The following LXN variants were observed in gnomAD, a reference collection of about 807,000 sequenced individuals.
The protein encoded by LXN is latexin.
LXN carries 28 observed loss-of-function variants against 29.8 expected under a neutral mutation model. That is an observed-to-expected ratio of 0.94 (90% confidence interval 0.70 to 1.29). The LOEUF (loss-of-function observed/expected upper bound fraction) is 1.29. LXN is among the 50% of genes most tolerant of loss of function. The probability of loss-of-function intolerance (pLI) is 0.00; values close to 1 mark genes in which losing one functional copy is unlikely to be tolerated. For synonymous variants in LXN, 77 were observed against 89.6 expected, an observed-to-expected ratio of 0.86 and a Z score of 0.80; for missense variants, 227 against 261.7, an observed-to-expected ratio of 0.87 and a Z score of 0.92.
intron 2 of LXN, 142 bp from the exon 3 acceptor site, chr3:158,669,752 T>A: frequency 1.3e-6 from 1 of 742,070 alleles, no homozygotes; most frequent in Non-Finnish European, 2.2e-6. Context: ...CAGAGGTATC[T>A]AATTGGGCCT....
At chr3:158,670,823 T>G in intron 2 of LXN, 134 bp downstream of exon 2, 2 of 1,230,000 alleles carry the variant, frequency 1.6e-6, no homozygotes, top group Non-Finnish European at 1.0e-6. Context: ...GTCCCAGCTA[T>G]TTGGGGAGGC....
intron 2 of LXN, among the ~76,000 whole-genome samples, chr3:158,670,242 A>G (rs374348254): frequency 1.3e-5 from 2 of 152,188 alleles, no homozygotes; most frequent in Non-Finnish European, 2.9e-5. Flanking sequence ...AATCTTTAAA[A>G]TTTCCCTTCC....
rs112809766 is a variant in LXN, at chr3:158,672,347, C to T, written c.129+3G>A. 0.02 allele frequency: 31,651 copies of T among 1,613,594 alleles called. 384 individuals carry two copies. The highest frequency in any genetic ancestry group is 0.027 in the Middle Eastern group (163 of 6,060). ...GCTGTCCACCACCCCCTGCTAAACT[C>T]ACCTCCATGCTGGCTTGTTTGACCT... On this transcript the variant is annotated splice_donor_region_variant and intron_variant, in intron 1 of 5. Transcript: ENST00000264265.
rs1723760524 is a variant in LXN, at chr3:158,667,018, T to C, written c.564A>G (p.Ala188=). The change falls in exon 5 of 6, where the codon GCA becomes GCG. Residue 188 remains alanine, a synonymous_variant. Coordinates refer to ENST00000264265, the MANE Select transcript of LXN (RefSeq NM_020169.4). The stretch of plus-strand genomic sequence containing the variant: ...AAGGTAAATTATACTTTACCTGAGA[T>C]GCTATATTATGAAGTAGAATGGTGT... ...LDYTILLHNI[A]SQEIIPWQMQ... 6.3e-7 allele frequency: 1 copy of C among 1,596,748 alleles called. No individual in the cohort carries two copies. The highest frequency in any genetic ancestry group is 8.5e-7 in the Non-Finnish European group (1 of 1,174,276).
At chr3:158,669,400 C>G (rs764398166) in intron 3 of LXN, 33 bp downstream of exon 3, 3 of 1,572,122 alleles carry the variant, frequency 1.9e-6, no homozygotes, top group Non-Finnish European at 8.6e-7. Flanking sequence ...AAGTTTGAAT[C>G]AAACAAATGG....
chr3:158,666,501 A>G lies in LXN; in HGVS notation c.*145T>C. On this transcript the variant is annotated 3_prime_UTR_variant, in exon 6 of 6. Coordinates refer to ENST00000264265, the MANE Select transcript of LXN (RefSeq NM_020169.4). ...TTTTTATGTAGTGATACTTTGTATT[A>G]TGGACTCTATAAAGTTCTATACTGT... 1 of 1,123,120 alleles carries G rather than the reference A, an allele frequency of 8.9e-7. No individual in the cohort carries two copies. 69.6% of individuals were successfully genotyped at this position (1,123,120 alleles called of 1,614,324 possible).
At chr3:158,672,282 GA>G in intron 1 of LXN, 67 bp downstream of exon 1, 1 of 1,591,084 alleles carries the variant, frequency 6.3e-7, no homozygotes, top group Non-Finnish European at 8.6e-7. Flanking sequence ...CAAAGGCTGA[GA>G]CCGCGGGTGA....
Position 158,669,478 on chromosome 3 carries a change from T to TTTGATAAAATGTGTTGTCTTC in LXN, c.304_324dup (p.Glu102_Gln108dup), listed in dbSNP as rs745907847. 10 of 1,613,952 alleles carry TTTGATAAAATGTGTTGTCTTC rather than the reference T, an allele frequency of 6.2e-6. No homozygotes were observed. In the Admixed American group the frequency reaches 1.7e-4, roughly 27 times the overall value. ...AGCGGTTCCTTCATGGACTTAAGTC[T>TTTGATAAAATGTGTTGTCTTC]TTGATAAAATGTGTTGTCTTCTTCA... On this transcript the variant is annotated inframe_insertion, in exon 3 of 6. Transcript: ENST00000264265.
intron 4 of LXN, among the ~76,000 whole-genome samples, chr3:158,668,049 C>T (rs1475158813): frequency 6.6e-6 from 1 of 152,126 alleles, no homozygotes; most frequent in Non-Finnish European, 1.5e-5. Flanking sequence ...CACAGCTTTG[C>T]TTGTGACTGC....
chr3:158,667,097 G>A lies in LXN; in HGVS notation c.508-23C>T, dbSNP rs139523092. On this transcript the variant is annotated intron_variant, in intron 4 of 5. Coordinates refer to ENST00000264265, the MANE Select transcript of LXN (RefSeq NM_020169.4). ...TTGCTATGACAAAAAATAAAAACGT[G>A]TTGTTTAAAACTTAATATCTTTGGC... The A allele has an allele frequency of 7.3e-4, 1,136 of 1,561,926 alleles. 12 individuals are homozygous for A. In the African/African-American group the frequency reaches 0.013, roughly 17 times the overall value.
In LXN at chr3:158,666,450, A is replaced by T. The variant is rs1723692206; in HGVS notation, c.*196T>A. Reference sequence around the variant, plus strand: ...TTGAAGCTTTTTATTTTGGATATACATACCACTATTACTGTTTTAAAGACA... The same window carrying T: ...TTGAAGCTTTTTATTTTGGATATACTTACCACTATTACTGTTTTAAAGACA... On this transcript the variant is annotated 3_prime_UTR_variant, in exon 6 of 6. Coordinates refer to ENST00000264265, the MANE Select transcript of LXN (RefSeq NM_020169.4). 1 of 1,337,204 alleles carries T rather than the reference A, an allele frequency of 7.5e-7. No homozygotes were observed. Among genetic ancestry groups the T allele is most frequent in the Admixed American group, 1.7e-5 (1 of 59,272 alleles). The allele number at this position is 1,337,204 out of a possible 1,614,324, so 82.8% of individuals were successfully genotyped here.
intron 1 of LXN, 34 bp downstream of exon 1, chr3:158,672,316 G>T (rs1724405902): frequency 6.2e-7 from 1 of 1,610,794 alleles, no homozygotes. Context: ...CAATCCTGAA[G>T]CCTCTGCTGT....
intron 2 of LXN, 131 bp downstream of exon 2, chr3:158,670,826 G>A: frequency 8.1e-7 from 1 of 1,241,428 alleles, no homozygotes; most frequent in African/African-American, 1.6e-5. Context: ...CCAGCTATTT[G>A]GGGAGGCTGA....
chr3:158,666,655 TTGTA>T lies in LXN; in HGVS notation c.656_659del (p.Val219AspfsTer8), dbSNP rs1723719379. 2 of 1,613,224 alleles carry T rather than the reference TTGTA, an allele frequency of 1.2e-6. No homozygotes were observed. The highest frequency in any genetic ancestry group is 1.7e-6 in the Non-Finnish European group (2 of 1,179,366). The stretch of plus-strand genomic sequence containing the variant: ...GTGTTAGGGTTTTTGTTTATTCCAG[TTGTA>T]CTTCCTTTGGCAGACGGCTATTATG... On this transcript the variant is annotated frameshift_variant, in exon 6 of 6. Transcript: ENST00000264265. LOFTEE classifies it high-confidence loss of function.
Position 158,669,523 on chromosome 3 carries a change from C to T in LXN, c.280G>A (p.Glu94Lys), listed in dbSNP as rs760269136. 6.2e-7 allele frequency: 1 copy of T among 1,613,954 alleles called. No individual in the cohort carries two copies. The highest frequency in any genetic ancestry group is 1.1e-5 in the South Asian group (1 of 91,076). The change falls in exon 3 of 6, where the codon GAA becomes AAA. Residue 94 changes from glutamate (E) to lysine (K), a missense_variant. Coordinates refer to ENST00000264265, the MANE Select transcript of LXN (RefSeq NM_020169.4). ...TCTTCATCTGGATTCTTTCCAGTTT[C>T]TCCTTCAAATGTGAAGTTGACTTCT... Reference protein sequence around the residue: ...APEVNFTFEGETGKNPDEEDN... With the variant: ...APEVNFTFEGKTGKNPDEEDN...
rs576311105 is a variant in LXN, at chr3:158,668,603, T to C, written c.507+393A>G. ...GAGCTATGATTACCGTGATGCTTTT[T>C]GAAAGTGCAGTCTAGATACTGTGTA... On this transcript the variant is annotated intron_variant, in intron 4 of 5. Coordinates refer to ENST00000264265, the MANE Select transcript of LXN (RefSeq NM_020169.4). Among the ~76,000 whole-genome samples, 5 of 152,360 alleles carry C rather than the reference T, an allele frequency of 3.3e-5. No homozygotes were observed. The South Asian group carries it at 1.0e-3, about 32-fold the overall frequency.
At chr3:158,669,235 C>A in intron 3 of LXN, 103 bp from the exon 4 acceptor site, 1 of 1,325,294 alleles carries the variant, frequency 7.5e-7, no homozygotes, top group Non-Finnish European at 1.0e-6. Context: ...GAATGTTGTG[C>A]AAAAAATAAT....
At position 158,666,734 on chromosome 3, in the gene LXN, G is replaced by A; in HGVS notation, c.581C>T (p.Pro194Leu). The A allele has an allele frequency of 1.2e-6, 2 of 1,613,120 alleles. No individual in the cohort carries two copies. The change falls in exon 6 of 6, where the codon CCC (proline) becomes CTC (leucine). Residue 194 changes from proline to leucine, a missense_variant. Physicochemically the swap from Pro to Leu is moderately conservative, Grantham distance 98. Transcript: ENST00000264265. ...ATGCCAGAGAACTTGCATTTGCCAGGGAATAATCTCCTGCAAGTGAAGAAA... is the reference window on the plus strand; with the variant it reads ...ATGCCAGAGAACTTGCATTTGCCAGAGAATAATCTCCTGCAAGTGAAGAAA... The part of the protein sequence containing the change: ...LHNIASQEII[P>L]WQMQVLWHPQ...
rs140777519 is a variant in LXN at position 158,672,349 on chromosome 3, C to A, written c.129+1G>T. On this transcript the variant is annotated splice_donor_variant, in intron 1 of 5. Transcript: ENST00000264265. LOFTEE classifies it high-confidence loss of function. ...TGTCCACCACCCCCTGCTAAACTCA[C>A]CTCCATGCTGGCTTGTTTGACCTTC... is the stretch of plus-strand genomic sequence containing the variant. 1 of 1,613,730 alleles carries A rather than the reference C, an allele frequency of 6.2e-7. No individual in the cohort carries two copies. Among genetic ancestry groups the A allele is most frequent in the East Asian group, 2.2e-5 (1 of 44,850 alleles).
Sources: gnomAD v4.1 joint callset for allele counts (sites outside exome capture counted in the v4.1 genomes callset) on GRCh38, gnomAD v4.1.1 for gene constraint, MANE v1.5 for transcripts, NCBI Gene and HGNC (gene_info 2026-07-23, HGNC 2026-07-21) for gene names.